ITGA2: variants seen among roughly 807,000 people sequenced by gnomAD.
ITGA2 encodes integrin subunit alpha 2.
A neutral mutation model predicts 146.3 loss-of-function variants in ITGA2; 101 were observed. That is an observed-to-expected ratio of 0.69 (90% CI 0.59 to 0.81). The LOEUF (loss-of-function observed/expected upper bound fraction) is 0.81, where lower values mean the gene tolerates loss of function less well. Ranked by LOEUF, ITGA2 falls within the 40% of genes least tolerant of loss-of-function variation. ITGA2 has a pLI of 0.00. For synonymous variants in ITGA2, 477 were observed against 487.1 expected (o/e 0.98, Z 0.27); for missense variants, 1,281 against 1,402.7 (o/e 0.91, Z 1.39).
chr5:53,070,388 T>A, intron 17 of ITGA2, 128 bp downstream of exon 17: 1 of 813,938 alleles, frequency 1.2e-6, no homozygotes. Context: ...TCTTATGTAA[T>A]TCCATAAATA....
chr5:53,051,352 A>G, intron 6 of ITGA2, 59 bp from the exon 7 acceptor site: 2 of 1,552,966 alleles, frequency 1.3e-6, no homozygotes. Context: ...TTTATTGGTT[A>G]AGTAGAAATT....
chr5:53,080,668 A>G (rs1201898555), intron 25 of ITGA2, 47 bp downstream of exon 25: 6 of 1,315,684 alleles, frequency 4.6e-6, no homozygotes, highest in Middle Eastern at 1.8e-4. Flanking sequence ...CAAGATGTAA[A>G]TAACCCATGA....
chr5:53,076,880 T>TA (rs1745686404), intron 23 of ITGA2, among the ~76,000 whole-genome samples: 1 of 152,032 alleles, frequency 6.6e-6, no homozygotes, highest in African/African-American at 2.4e-5. Flanking sequence ...GTCCTAGTCC[T>TA]ACTACCTAGA....
intron 15 of ITGA2, 79 bp downstream of exon 15, chr5:53,066,056 A>T: frequency 7.6e-7 from 1 of 1,317,592 alleles, no homozygotes; most frequent in Non-Finnish European, 1.1e-6. Context: ...TACTGGTATT[A>T]TAGAAATGCC....
intron 16 of ITGA2, among the ~76,000 whole-genome samples, chr5:53,068,732 G>A (rs930870648): frequency 6.0e-5 from 9 of 149,728 alleles, no homozygotes; most frequent in Admixed American, 2.0e-4. Flanking sequence ...TATGTAAGAC[G>A]TGAATCCCAT....
At position 53,015,210 on chromosome 5, in the gene ITGA2, C is replaced by T. The variant is rs1052737262; in HGVS notation, c.65-11538C>T. The stretch of plus-strand genomic sequence containing the variant: ...ATTAGGTTGTTAATTTGAGATCTTT[C>T]TAACTTTTTCATGTGTATGTTTAGC... On this transcript the variant is annotated intron_variant, in intron 1 of 29. Coordinates refer to ENST00000296585, the MANE Select transcript of ITGA2 (RefSeq NM_002203.4). Among the ~76,000 whole-genome samples the T allele has an allele frequency of 2.0e-5, 3 of 152,228 alleles. 1 individual carries two copies. Among genetic ancestry groups the T allele is most frequent in the South Asian group, 4.1e-4 (2 of 4,826 alleles).
rs770293281 is a variant in ITGA2, at chr5:53,065,813, T to C, written c.1807-28T>C. On this transcript the variant is annotated intron_variant, in intron 14 of 29. Coordinates refer to ENST00000296585, the MANE Select transcript of ITGA2 (RefSeq NM_002203.4). ...TTTCTGGTTCAGCTGTTGTGTACTA[T>C]AATTTCGTGTCAAACCTGCTCTTTT... 1.1e-5 allele frequency: 18 copies of C among 1,611,356 alleles called. No individual in the cohort carries two copies. In the South Asian group the frequency reaches 1.3e-4, roughly 12 times the overall value.
intron 1 of ITGA2, among the ~76,000 whole-genome samples, chr5:53,002,251 C>T (rs968433164): frequency 2.6e-5 from 4 of 151,892 alleles, no homozygotes; most frequent in Non-Finnish European, 4.4e-5. Flanking sequence ...TGTATATTTG[C>T]TTGTATTAAT....
Position 53,073,231 on chromosome 5 carries a change from A to C in ITGA2, c.2543A>C (p.Asn848Thr). ...GGAATTGTTGTTGATTTTTCAGAAA[A>C]CTTGTTTTTTGCATCATTCTCCCTG... is the stretch of plus-strand genomic sequence containing the variant. ...NTGIVVDFSE[N>T]LFFASFSLPV... Residue 848 changes from asparagine to threonine, a missense_variant, in exon 20 of 30, where the codon AAC becomes ACC. Transcript: ENST00000296585. The C allele has an allele frequency of 6.2e-7, 1 of 1,612,396 alleles. No individual in the cohort carries two copies. The highest frequency in any genetic ancestry group is 8.5e-7 in the Non-Finnish European group (1 of 1,178,870).
chr5:53,088,129 A>G (rs550566578), intron 28 of ITGA2, among the ~76,000 whole-genome samples: 1 of 152,320 alleles, frequency 6.6e-6, no homozygotes, highest in East Asian at 1.9e-4. Context: ...TCAAATTCAA[A>G]ATGCTATGAA....
chr5:53,033,314 A>G (rs1049282628), intron 2 of ITGA2, among the ~76,000 whole-genome samples: 3 of 151,982 alleles, frequency 2.0e-5, no homozygotes, highest in Admixed American at 2.0e-4. Flanking sequence ...CCCCTCAACC[A>G]ATTCTCATCT....
chr5:52,990,519 G>C (rs1454384233), intron 1 of ITGA2, among the ~76,000 whole-genome samples: 1 of 151,090 alleles, frequency 6.6e-6, no homozygotes, highest in Non-Finnish European at 1.5e-5. Flanking sequence ...TTTGAACAGC[G>C]ATCAAAACAA....
chr5:53,073,709 C>T (rs1745510706), intron 20 of ITGA2, among the ~76,000 whole-genome samples: 1 of 151,832 alleles, frequency 6.6e-6, no homozygotes, highest in South Asian at 2.1e-4. Flanking sequence ...ACTGTGAGTG[C>T]TCCCTGGTCC....
chr5:53,051,626 G>GAA, intron 7 of ITGA2, 67 bp downstream of exon 7: 1 of 1,451,746 alleles, frequency 6.9e-7, no homozygotes, highest in Non-Finnish European at 9.6e-7. Flanking sequence ...TAATAAATAT[G>GAA]AAAAAGTAAG....
chr5:53,081,273 G>T (rs918182297), intron 25 of ITGA2, among the ~76,000 whole-genome samples: 1 of 152,052 alleles, frequency 6.6e-6, no homozygotes, highest in African/African-American at 2.4e-5. Context: ...TGCATAGGAG[G>T]CTACAGAAAA....
intron 1 of ITGA2, among the ~76,000 whole-genome samples, chr5:53,009,614 T>C (rs1394385383): frequency 6.6e-6 from 1 of 152,138 alleles, no homozygotes; most frequent in Non-Finnish European, 1.5e-5. Flanking sequence ...ATTTGAAGGA[T>C]CACCACTTGA....
rs1561158878 is a variant in ITGA2, at chr5:53,087,125, T to TA, written c.3348+85dup. 3.4e-6 allele frequency: 3 copies of TA among 880,318 alleles called. No homozygotes were observed. The Admixed American group carries it at 5.4e-5, about 16-fold the overall frequency. 54.5% of individuals were successfully genotyped at this position (880,318 alleles called of 1,614,324 possible). On this transcript the variant is annotated intron_variant, in intron 28 of 29. Coordinates refer to ENST00000296585, the MANE Select transcript of ITGA2 (RefSeq NM_002203.4). Reference sequence around the variant, plus strand: ...AAAAGCCTGGGATAGTCACTCTTCTTACCTACATGTATGTAGAAGTATCTT... The same window carrying TA: ...AAAAGCCTGGGATAGTCACTCTTCTTAACCTACATGTATGTAGAAGTATCTT...
In ITGA2 at chr5:53,009,706, G is replaced by A. The variant is rs568933498; in HGVS notation, c.65-17042G>A. Among the ~76,000 whole-genome samples, 19 of 152,214 alleles carry A rather than the reference G, an allele frequency of 1.2e-4. No individual in the cohort carries two copies. The East Asian group carries it at 3.7e-3, about 29-fold the overall frequency. On this transcript the variant is annotated intron_variant, in intron 1 of 29. Transcript: ENST00000296585. ...TGAGTGTTATGGACTGAATGTTTGT[G>A]TCTCTCCAAAATGCATGTGTTGAAA...
rs143865456 is a variant in ITGA2, at chr5:53,007,733, A to C, written c.64+18201A>C. On this transcript the variant is annotated intron_variant, in intron 1 of 29. Transcript: ENST00000296585. Reference sequence around the variant, plus strand: ...CTTATGAAAAAGAGAGAATCTATTGAGTTGTTAAGAAGCACTAAGTCATAA... The same window carrying C: ...CTTATGAAAAAGAGAGAATCTATTGCGTTGTTAAGAAGCACTAAGTCATAA... Among the ~76,000 whole-genome samples the C allele has an allele frequency of 2.7e-4, 41 of 152,248 alleles. 1 individual carries two copies. Among genetic ancestry groups the C allele is most frequent in the African/African-American group, 9.6e-4 (40 of 41,546 alleles).
Sources: allele counts gnomAD v4.1 joint callset (sites outside exome capture counted in the v4.1 genomes callset), GRCh38; gene constraint gnomAD v4.1.1; transcripts MANE v1.5; gene names NCBI Gene and HGNC (gene_info 2026-07-23, HGNC 2026-07-21).